Variants in VSTM2B observed in about 807,000 individuals in gnomAD.
VSTM2B encodes V-set and transmembrane domain containing 2B.
A neutral mutation model predicts 24.0 loss-of-function variants in VSTM2B; 24 were observed. The observed-to-expected ratio is 1.00, with a 90% CI of 0.72 to 1.40. The LOEUF is 1.40. Ranked by LOEUF, VSTM2B falls within the 40% of genes most tolerant of loss-of-function variation. The pLI is 0.00. For synonymous variants in VSTM2B, 226 were observed against 194.4 expected, an observed-to-expected ratio of 1.16 and a Z score of -1.35; for missense variants, 399 against 416.4, an observed-to-expected ratio of 0.96 and a Z score of 0.36.
At chr19:29,533,374 C>A (rs921498210) in intron 4 of VSTM2B, among the ~76,000 whole-genome samples, 1 of 152,172 alleles carries the variant, frequency 6.6e-6, no homozygotes, top group African/African-American at 2.4e-5. Context: ...CCTCTGAGGT[C>A]TCTGTCACCC....
chr19:29,532,197 G>A (rs986891864), intron 4 of VSTM2B, among the ~76,000 whole-genome samples: 2 of 152,344 alleles, frequency 1.3e-5, no homozygotes, highest in African/African-American at 2.4e-5. Context: ...AAATGGCAAG[G>A]CGTTTTTTAA....
chr19:29,557,439 C>A (rs995649347), intron 4 of VSTM2B, among the ~76,000 whole-genome samples: 3 of 152,204 alleles, frequency 2.0e-5, no homozygotes, highest in African/African-American at 7.2e-5. Flanking sequence ...TGGCTTATGC[C>A]TGTAATCCAG....
At position 29,529,788 on chromosome 19, in the gene VSTM2B, C is replaced by T. The variant is rs1278622974; in HGVS notation, c.298-31C>T. ...CAGAAGAGTAGGTTTGGGAGCTGCC[C>T]AGCCCGGCCTCTAACCCTGCTCTCT... On this transcript the variant is annotated intron_variant, in intron 3 of 4. Coordinates refer to ENST00000335523, the MANE Select transcript of VSTM2B (RefSeq NM_001146339.2). 4 of 1,542,930 alleles carry T rather than the reference C, an allele frequency of 2.6e-6. No individual in the cohort carries two copies. The East Asian group carries it at 9.9e-5, about 38-fold the overall frequency.
In VSTM2B at chr19:29,558,819, C is replaced by G. The variant is rs553543644; in HGVS notation, c.770-5027C>G. Among the ~76,000 whole-genome samples the G allele has an allele frequency of 3.9e-4, 60 of 152,242 alleles. 1 individual carries two copies. Among genetic ancestry groups the G allele is most frequent in the African/African-American group, 1.3e-3 (55 of 41,548 alleles). ...GCAAACCACCATGGCACATGTTTAC[C>G]TATGTAACAAACCTGCACATCATGC... On this transcript the variant is annotated intron_variant, in intron 4 of 4. Coordinates refer to ENST00000335523, the MANE Select transcript of VSTM2B (RefSeq NM_001146339.2).
chr19:29,527,543 T>A, intron 2 of VSTM2B, 148 bp downstream of exon 2: 1 of 670,162 alleles, frequency 1.5e-6, no homozygotes. Flanking sequence ...TCCCAAAGCA[T>A]CTTCAAAGTC....
chr19:29,554,714 T>G (rs1167320558), intron 4 of VSTM2B, among the ~76,000 whole-genome samples: 1 of 152,014 alleles, frequency 6.6e-6, no homozygotes, highest in African/African-American at 2.4e-5. Context: ...AATAAAGGGA[T>G]AGAGGAAAAT....
intron 4 of VSTM2B, among the ~76,000 whole-genome samples, chr19:29,562,702 G>A (rs1196145939): frequency 3.9e-5 from 6 of 152,230 alleles, no homozygotes; most frequent in Admixed American, 1.3e-4. Context: ...CATAACCCTG[G>A]AGGGAGCATC....
chr19:29,529,551 G>C (rs1568436467), intron 3 of VSTM2B, among the ~76,000 whole-genome samples: 1 of 152,218 alleles, frequency 6.6e-6, no homozygotes, highest in Non-Finnish European at 1.5e-5. Context: ...GTTTGTATGG[G>C]CGGGGCAGAT....
chr19:29,534,978 C>T (rs2145474586), intron 4 of VSTM2B, among the ~76,000 whole-genome samples: 1 of 152,352 alleles, frequency 6.6e-6, no homozygotes, highest in Admixed American at 6.5e-5. Flanking sequence ...AAGCCCTTCC[C>T]ATGCCACATG....
chr19:29,541,909 G>A (rs988478457), intron 4 of VSTM2B, among the ~76,000 whole-genome samples: 5 of 151,658 alleles, frequency 3.3e-5, no homozygotes, highest in African/African-American at 9.7e-5. Flanking sequence ...ACGAGTGGAC[G>A]GGTAGATGGG....
In VSTM2B at chr19:29,529,949, A is replaced by G. The variant is rs1969693294; in HGVS notation, c.428A>G (p.Gln143Arg). ...SDDDTQEHKA[Q>R]AMLRVLSRFA... ...GACGACACGCAGGAGCACAAGGCCC[A>G]GGCGATGCTGCGCGTGCTCTCGCGC... Residue 143 changes from glutamine (Q) to arginine (R), a missense_variant, in exon 4 of 5, where the codon CAG (glutamine) becomes CGG (arginine). Gln to Arg is a conservative substitution (Grantham distance 43). Transcript: ENST00000335523. 1 of 1,549,284 alleles carries G rather than the reference A, an allele frequency of 6.5e-7. No homozygotes were observed. Among genetic ancestry groups the G allele is most frequent in the African/African-American group, 1.4e-5 (1 of 73,162 alleles).
At chr19:29,551,302 A>T (rs1970280542) in intron 4 of VSTM2B, among the ~76,000 whole-genome samples, 1 of 152,208 alleles carries the variant, frequency 6.6e-6, no homozygotes, top group Non-Finnish European at 1.5e-5. Flanking sequence ...GCCTGGAGGA[A>T]CTTTCACCTT....
chr19:29,529,880 AG>A lies in VSTM2B; in HGVS notation c.361del (p.Asp121ThrfsTer153), dbSNP rs1252298353. 11 of 1,550,294 alleles carry A rather than the reference AG, an allele frequency of 7.1e-6. No homozygotes were observed. The African/African-American group carries it at 1.5e-4, about 21-fold the overall frequency. ...CTTCGGCTGTCTGCCGTGCGGCTGCAGGACGAGGGCGTGTACGAGTGCCGCG... is the reference window on the plus strand; with the variant it reads ...CTTCGGCTGTCTGCCGTGCGGCTGCAGACGAGGGCGTGTACGAGTGCCGCG... The part of the protein sequence containing the change: ...HRLRLSAVRL[Q>X]DEGVYECRVS... On this transcript the variant is annotated frameshift_variant, in exon 4 of 5. Transcript: ENST00000335523. LOFTEE classifies it high-confidence loss of function.
intron 4 of VSTM2B, among the ~76,000 whole-genome samples, chr19:29,555,237 C>A (rs1443200919): frequency 1.3e-5 from 2 of 152,238 alleles, no homozygotes; most frequent in East Asian, 3.9e-4. Flanking sequence ...CAAATTAGAA[C>A]TCAAAATTAA....
chr19:29,528,602 G>T, intron 3 of VSTM2B, 140 bp downstream of exon 3: 2 of 1,089,782 alleles, frequency 1.8e-6, no homozygotes, highest in Non-Finnish European at 2.7e-6. Flanking sequence ...TTGCATCGGT[G>T]GCTGCTCGGC....
rs1315153352 is a variant in VSTM2B at position 29,526,415 on chromosome 19, G to A, written c.-169G>A. 4.2e-6 allele frequency: 1 copy of A among 239,490 alleles called. No individual in the cohort carries two copies. The highest frequency in any genetic ancestry group is 1.7e-4 in the South Asian group (1 of 5,844). 14.8% of individuals were successfully genotyped at this position (239,490 alleles called of 1,614,324 possible). ...CGCCGGAGCCGCACCGGGCAAGCCG[G>A]CGAGGGAGCGGGGCTGATTGGCGGC... is the stretch of plus-strand genomic sequence containing the variant. On this transcript the variant is annotated 5_prime_UTR_variant, in exon 1 of 5. Transcript: ENST00000335523. The surrounding 1 kb of genome is among the most constrained non-coding windows in gnomAD (Gnocchi z 4.1).
At chr19:29,536,933 G>GCTGT (rs1969904694) in intron 4 of VSTM2B, among the ~76,000 whole-genome samples, 1 of 152,200 alleles carries the variant, frequency 6.6e-6, no homozygotes, top group Admixed American at 6.5e-5. Flanking sequence ...CAAGGCCTTG[G>GCTGT]CTGTGGTCTA....
chr19:29,525,722 G>A (rs1336664149), upstream of VSTM2B: 1 of 152,892 alleles, frequency 6.5e-6, no homozygotes, highest in Non-Finnish European at 1.5e-5. Flanking sequence ...AGGGATGAGC[G>A]GCCGTCTCGA....
chr19:29,542,114 A>C (rs557516884), intron 4 of VSTM2B, among the ~76,000 whole-genome samples: 1 of 151,092 alleles, frequency 6.6e-6, no homozygotes, highest in Non-Finnish European at 1.5e-5. Context: ...GGGAGAATGA[A>C]TGGGTGGGCA....
Sources: gnomAD v4.1 joint callset for allele counts (sites outside exome capture counted in the v4.1 genomes callset) on GRCh38, gnomAD v4.1.1 for gene constraint, Gnocchi (gnomAD v3.1) non-coding constraint, MANE v1.5 for transcripts, NCBI Gene and HGNC (gene_info 2026-07-23, HGNC 2026-07-21) for gene names.